The following CEP70 variants were observed in gnomAD, a reference collection of about 807,000 sequenced individuals.
The protein encoded by CEP70 is centrosomal protein of 70 kDa.
A neutral mutation model predicts 90.9 loss-of-function variants in CEP70; 70 were observed. That is an observed-to-expected ratio of 0.77 (90% CI 0.64 to 0.94). The LOEUF is 0.94. CEP70 is among the 40% of genes least tolerant of loss of function. The pLI is 0.00. For synonymous variants in CEP70, 220 were observed against 228.3 expected, an observed-to-expected ratio of 0.96 and a Z score of 0.33; for missense variants, 648 against 669.0, an observed-to-expected ratio of 0.97 and a Z score of 0.35.
intron 13 of CEP70, 115 bp from the exon 14 acceptor site, chr3:138,500,996 A>T: frequency 2.8e-6 from 1 of 361,520 alleles, no homozygotes; most frequent in Non-Finnish European, 4.6e-6. Flanking sequence ...TTATAAAATT[A>T]ATAAAACATA....
intron 12 of CEP70, among the ~76,000 whole-genome samples, chr3:138,507,646 G>A (rs771433650): frequency 3.9e-5 from 6 of 152,090 alleles, no homozygotes; most frequent in Non-Finnish European, 7.4e-5. Flanking sequence ...AAAAAGTAGC[G>A]TATTAGAGAC....
intron 13 of CEP70, among the ~76,000 whole-genome samples, chr3:138,501,270 T>C (rs967661991): frequency 4.6e-5 from 7 of 152,304 alleles, no homozygotes; most frequent in South Asian, 2.1e-4. Flanking sequence ...GAATATGTTA[T>C]ATAACAGCTT....
intron 6 of CEP70, among the ~76,000 whole-genome samples, chr3:138,542,327 T>C (rs2038837220): frequency 6.6e-6 from 1 of 152,158 alleles, no homozygotes; most frequent in African/African-American, 2.4e-5. Flanking sequence ...AGCTCAGAGA[T>C]GCCAGGAACC....
In CEP70 at chr3:138,571,252, T is replaced by C. The variant is rs767508489; in HGVS notation, c.160+14A>G. 1.4e-5 allele frequency: 23 copies of C among 1,590,222 alleles called. No individual in the cohort carries two copies. Among genetic ancestry groups the C allele is most frequent in the Non-Finnish European group, 2.0e-5 (23 of 1,167,670 alleles). ...AACTTTTTACCTTAAGCATCAAGAA[T>C]AGGATCTAATTACCTTTGAGATCTG... is the stretch of plus-strand genomic sequence containing the variant. On this transcript the variant is annotated intron_variant, in intron 4 of 17. Transcript: ENST00000264982.
At position 138,525,558 on chromosome 3, in the gene CEP70, C is replaced by A. The variant is rs9878436; in HGVS notation, c.876G>T (p.Thr292=). ...GTTTATAAAGTCTTAATTCATGCTGCGTAGGCCTGTGGAAAATAAATAATG... is the reference window on the plus strand; with the variant it reads ...GTTTATAAAGTCTTAATTCATGCTGAGTAGGCCTGTGGAAAATAAATAATG... ...NLQKDLETRP[T]QHELRLYKQQ... is the part of the protein sequence containing the mutation. Residue 292 remains threonine (T), a synonymous_variant, in exon 11 of 18, where the codon ACG becomes ACT. Transcript: ENST00000264982. 7.3e-7 allele frequency: 1 copy of A among 1,370,752 alleles called. No homozygotes were observed. Among genetic ancestry groups the A allele is most frequent in the Non-Finnish European group, 9.6e-7 (1 of 1,043,178 alleles). The allele number at this position is 1,370,752 out of a possible 1,614,324, so 84.9% of individuals were successfully genotyped here.
intron 17 of CEP70, chr3:138,497,338 A>AG (rs1352494612): frequency 5.6e-6 from 7 of 1,257,812 alleles, no homozygotes; most frequent in Admixed American, 2.8e-5. Flanking sequence ...CTTTAAAAAA[A>AG]AAAAAAAATC....
At chr3:138,591,979 G>A in intron 1 of CEP70, 23 bp from the exon 2 acceptor site, 1 of 792,202 alleles carries the variant, frequency 1.3e-6, no homozygotes, top group Non-Finnish European at 1.9e-6. Context: ...AAGATAAAAA[G>A]AACAAAATCT....
chr3:138,563,873 A>G (rs553794083), intron 6 of CEP70, among the ~76,000 whole-genome samples: 3 of 152,326 alleles, frequency 2.0e-5, no homozygotes, highest in African/African-American at 7.2e-5. Flanking sequence ...AGCTAGAGAC[A>G]CAAAAAACTC....
chr3:138,573,774 A>C (rs2041337597), intron 2 of CEP70, among the ~76,000 whole-genome samples: 1 of 152,226 alleles, frequency 6.6e-6, no homozygotes, highest in Non-Finnish European at 1.5e-5. Context: ...AAATGGAGTA[A>C]CAGTGTTCTA....
At chr3:138,559,573 A>G (rs2040250297) in intron 6 of CEP70, among the ~76,000 whole-genome samples, 1 of 152,128 alleles carries the variant, frequency 6.6e-6, no homozygotes. Flanking sequence ...TCTCTACTAA[A>G]CATACAAAAA....
intron 7 of CEP70, among the ~76,000 whole-genome samples, chr3:138,535,523 G>A (rs1427140616): frequency 6.6e-6 from 1 of 152,118 alleles, no homozygotes; most frequent in Non-Finnish European, 1.5e-5. Flanking sequence ...ACTTAGCCCA[G>A]TACCCGTGTA....
chr3:138,582,647 C>T (rs928542522), intron 2 of CEP70, among the ~76,000 whole-genome samples: 1 of 151,478 alleles, frequency 6.6e-6, no homozygotes, highest in Non-Finnish European at 1.5e-5. Flanking sequence ...GCCTGTAGTC[C>T]CAGCTACTCG....
In CEP70 at chr3:138,529,433, TCTGA is replaced by T. The variant is rs751864963; in HGVS notation, c.718_721del (p.Ser240LysfsTer19). 6.9e-5 allele frequency: 111 copies of T among 1,610,520 alleles called. No individual in the cohort carries two copies. Among genetic ancestry groups the T allele is most frequent in the Admixed American group, 2.9e-4 (17 of 59,584 alleles). On this transcript the variant is annotated frameshift_variant, in exon 9 of 18. Transcript: ENST00000264982. LOFTEE classifies it high-confidence loss of function. ...CAGATTTCTGTAGTCGTTTTCTTCT[TCTGA>T]CTGACTTTCATCTTCTTTATATTGC...
rs1032281948 is a variant in CEP70, at chr3:138,494,469, G to A, written c.*546C>T. The A allele has an allele frequency of 1.4e-4, 22 of 152,196 alleles. No individual in the cohort carries two copies. Among genetic ancestry groups the A allele is most frequent in the African/African-American group, 5.3e-4 (22 of 41,444 alleles). The allele number at this position is 152,196 out of a possible 1,614,324, so 9.4% of individuals were successfully genotyped here. Reference sequence around the variant, plus strand: ...TATCTACTCATCCATTTTACCCTATGATTCATTTCCTACCCTAACAGAAAT... The same window carrying A: ...TATCTACTCATCCATTTTACCCTATAATTCATTTCCTACCCTAACAGAAAT... On this transcript the variant is annotated 3_prime_UTR_variant, in exon 18 of 18. Coordinates refer to ENST00000264982, the MANE Select transcript of CEP70 (RefSeq NM_024491.4).
intron 10 of CEP70, 30 bp downstream of exon 10, chr3:138,529,167 GAA>G (rs34094770): frequency 2.8e-3 from 3,256 of 1,166,406 alleles, no homozygotes; most frequent in Admixed American, 4.7e-3. Flanking sequence ...CCTGTCTCAG[GAA>G]AAAAAAAAAA....
At chr3:138,529,796 G>C (rs1258727050) in intron 8 of CEP70, among the ~76,000 whole-genome samples, 1 of 152,120 alleles carries the variant, frequency 6.6e-6, no homozygotes, top group East Asian at 1.9e-4. Flanking sequence ...AACATAGGTG[G>C]AACATCCATG....
At chr3:138,556,354 C>T (rs1680726540) in intron 6 of CEP70, among the ~76,000 whole-genome samples, 1 of 151,650 alleles carries the variant, frequency 6.6e-6, no homozygotes, top group African/African-American at 2.4e-5. Context: ...ATGGTGAAAC[C>T]CCATCTCTAC....
At chr3:138,572,125 T>C (rs2041219172) in intron 3 of CEP70, among the ~76,000 whole-genome samples, 2 of 152,144 alleles carry the variant, frequency 1.3e-5, no homozygotes, top group Non-Finnish European at 1.5e-5. Context: ...AATCAAAACA[T>C]ACCTGACTAG....
chr3:138,533,451 T>C (rs576755827), intron 7 of CEP70, among the ~76,000 whole-genome samples: 2 of 152,354 alleles, frequency 1.3e-5, no homozygotes, highest in South Asian at 4.1e-4. Flanking sequence ...GATGTGAATA[T>C]GTATATATAC....
Sources: gnomAD v4.1 joint callset for allele counts (sites outside exome capture counted in the v4.1 genomes callset) on GRCh38, gnomAD v4.1.1 for gene constraint, MANE v1.5 for transcripts, NCBI Gene and HGNC (gene_info 2026-07-23, HGNC 2026-07-21) for gene names.